Variants in ABAT observed in about 807,000 individuals in gnomAD.
The protein encoded by ABAT is 4-aminobutyrate aminotransferase.
In ABAT, 45 loss-of-function variants were observed where a neutral mutation model predicts 64.6. The observed-to-expected ratio is 0.70, with a 90% CI of 0.55 to 0.89. The LOEUF (loss-of-function observed/expected upper bound fraction) is 0.89. Ranked by LOEUF, ABAT falls within the 40% of genes least tolerant of loss-of-function variation. The pLI is 0.00. For synonymous variants in ABAT, 297 were observed against 250.5 expected (o/e 1.19, Z -1.75); for missense variants, 633 against 658.4 (o/e 0.96, Z 0.42).
chr16:8,741,032 A>G (rs1440947467), intron 2 of ABAT, among the ~76,000 whole-genome samples: 1 of 152,236 alleles, frequency 6.6e-6, no homozygotes, highest in East Asian at 1.9e-4. Flanking sequence ...GAGAACATTA[A>G]CAATGTTTGC....
intron 1 of ABAT, among the ~76,000 whole-genome samples, chr16:8,693,149 C>G (rs138153696): frequency 0.024 from 3,642 of 152,286 alleles, 141 homozygotes; most frequent in African/African-American, 0.083. Flanking sequence ...GCCACAATGC[C>G]CAGCCTCCAT....
chr16:8,698,966 C>A (rs1401920808), intron 1 of ABAT, among the ~76,000 whole-genome samples: 1 of 151,938 alleles, frequency 6.6e-6, no homozygotes, highest in Admixed American at 6.6e-5. Context: ...AACAAACAAA[C>A]AAAAAATAAG....
chr16:8,775,068 G>C lies in ABAT; in HGVS notation c.1122+11G>C. The C allele has an allele frequency of 3.1e-6, 5 of 1,614,166 alleles. No homozygotes were observed. The African/African-American group carries it at 5.3e-5, about 17-fold the overall frequency. ...TTCAGGCCTAATGCTGTGAGTTGGA[G>C]CCAACCTTCTCTCTACATCCAGGGC... On this transcript the variant is annotated intron_variant, in intron 13 of 15. Coordinates refer to ENST00000268251, the MANE Select transcript of ABAT (RefSeq NM_020686.6).
intron 1 of ABAT, among the ~76,000 whole-genome samples, chr16:8,732,921 CG>C (rs1204895426): frequency 6.7e-6 from 1 of 149,212 alleles, no homozygotes. Flanking sequence ...GCTGGCCGGG[CG>C]GGGGGCTGAC....
At chr16:8,769,763 A>T (rs1567313680) in intron 11 of ABAT, among the ~76,000 whole-genome samples, 1 of 152,194 alleles carries the variant, frequency 6.6e-6, no homozygotes, top group Non-Finnish European at 1.5e-5. Flanking sequence ...CACGTCATCT[A>T]ACACAGCCCT....
At chr16:8,685,273 C>G (rs1468981127) in intron 1 of ABAT, among the ~76,000 whole-genome samples, 1 of 150,976 alleles carries the variant, frequency 6.6e-6, no homozygotes, top group Non-Finnish European at 1.5e-5. Flanking sequence ...GCAATGGAGA[C>G]CCTGTCTCAA....
chr16:8,729,312 C>CAA (rs780925958), intron 1 of ABAT, among the ~76,000 whole-genome samples: 65 of 125,680 alleles, frequency 5.2e-4, no homozygotes, highest in Non-Finnish European at 9.9e-4. Context: ...TCAACAAAAA[C>CAA]AAAAACAGCT....
intron 12 of ABAT, 53 bp from the exon 13 acceptor site, chr16:8,774,837 T>C (rs2060218995): frequency 1.2e-6 from 2 of 1,609,636 alleles, no homozygotes; most frequent in African/African-American, 2.7e-5. Flanking sequence ...AGGGCATGAA[T>C]TTCTGGCCTC....
At chr16:8,748,349 T>A (rs534377534) in intron 4 of ABAT, among the ~76,000 whole-genome samples, 23 of 152,358 alleles carry the variant, frequency 1.5e-4, no homozygotes, top group African/African-American at 5.5e-4. Context: ...TTTCCCAAAT[T>A]TCTTTCTGTT....
At chr16:8,685,999 C>A (rs935677924) in intron 1 of ABAT, among the ~76,000 whole-genome samples, 2 of 152,196 alleles carry the variant, frequency 1.3e-5, no homozygotes, top group Non-Finnish European at 2.9e-5. Context: ...AGGGAAACAG[C>A]CAATCCCAGG....
At chr16:8,709,949 G>A (rs901165137) in intron 1 of ABAT, among the ~76,000 whole-genome samples, 4 of 151,894 alleles carry the variant, frequency 2.6e-5, no homozygotes, top group African/African-American at 7.3e-5. Flanking sequence ...GACTACAGAC[G>A]TATGCTGCCA....
intron 15 of ABAT, chr16:8,780,802 G>C (rs1037378535): frequency 1.7e-5 from 3 of 180,998 alleles, no homozygotes; most frequent in Non-Finnish European, 3.1e-5. Context: ...ACCTCGACAA[G>C]GAAAGGACAC....
Position 8,709,323 on chromosome 16 carries a change from T to G in ABAT, c.-41-26376T>G, listed in dbSNP as rs555225034. On this transcript the variant is annotated intron_variant, in intron 1 of 15. Coordinates refer to ENST00000268251, the MANE Select transcript of ABAT (RefSeq NM_020686.6). ...TCTTTTTTGATGTGACCACTAGAAA[T>G]TTTTAATTGGCACATGTGACTCACA... Among the ~76,000 whole-genome samples, 9 of 152,204 alleles carry G rather than the reference T, an allele frequency of 5.9e-5. No individual in the cohort carries two copies. In the East Asian group the frequency reaches 1.5e-3, roughly 26 times the overall value.
chr16:8,780,293 CACTGAGG>C (rs959692800), intron 15 of ABAT: 42 of 164,764 alleles, frequency 2.5e-4, no homozygotes, highest in African/African-American at 8.7e-4. Flanking sequence ...TGTGGGAAGC[CACTGAGG>C]ACATGTGTGG....
intron 1 of ABAT, among the ~76,000 whole-genome samples, chr16:8,694,958 TC>T (rs1302649575): frequency 6.6e-6 from 1 of 152,162 alleles, no homozygotes; most frequent in Non-Finnish European, 1.5e-5. Context: ...TTCCCCGACT[TC>T]CTCCCCATTC....
chr16:8,749,387 T>A (rs1267748058), intron 4 of ABAT, among the ~76,000 whole-genome samples: 1 of 16,882 alleles, frequency 5.9e-5, no homozygotes. Context: ...GCACCCGGCC[T>A]TTTTTTTTTT....
intron 1 of ABAT, among the ~76,000 whole-genome samples, chr16:8,728,145 G>T (rs1640987): frequency 0.99 from 150,106 of 152,284 alleles, 74,022 homozygotes; most frequent in Middle Eastern, 1. Context: ...TAATTAACTT[G>T]TGTTGATTGA....
At chr16:8,724,579 T>A (rs575530521) in intron 1 of ABAT, among the ~76,000 whole-genome samples, 1 of 151,746 alleles carries the variant, frequency 6.6e-6, no homozygotes, top group Admixed American at 6.6e-5. Context: ...AAAAAAGAAA[T>A]ACAAAGATTA....
Position 8,754,179 on chromosome 16 carries a change from T to TAAA in ABAT, c.317-3554_317-3552dup, listed in dbSNP as rs750745519. Among the ~76,000 whole-genome samples, 66 of 63,840 alleles carry TAAA rather than the reference T, an allele frequency of 1.0e-3. 1 individual carries two copies. The highest frequency in any genetic ancestry group is 3.3e-3 in the African/African-American group (60 of 18,064). 41.9% of individuals were successfully genotyped at this position (63,840 alleles called of 152,430 possible). ...AGCCAACATGTTGAAACCCTGTCTA[T>TAAA]AAAAAAAAAAAAAAAAAAAAAAAAA... On this transcript the variant is annotated intron_variant, in intron 5 of 15. Transcript: ENST00000268251.
Sources: gnomAD v4.1 joint callset for allele counts (sites outside exome capture counted in the v4.1 genomes callset) on GRCh38, gnomAD v4.1.1 for gene constraint, MANE v1.5 for transcripts, NCBI Gene and HGNC (gene_info 2026-07-23, HGNC 2026-07-21) for gene names.